The following KLRG1 variants were observed in gnomAD, a reference collection of about 807,000 sequenced individuals.
KLRG1 encodes the protein killer cell lectin-like receptor subfamily G member 1.
A neutral mutation model predicts 21.8 loss-of-function variants in KLRG1; 16 were observed. The ratio of observed to expected loss-of-function variants is 0.73; its 90% CI spans 0.50 to 1.11. The LOEUF (loss-of-function observed/expected upper bound fraction) is 1.11. KLRG1 is among the 50% of genes most tolerant of loss of function. The pLI, the probability that KLRG1 is intolerant of heterozygous loss-of-function variation, is 0.00. For missense variants in KLRG1, 173 were observed against 218.3 expected, an observed-to-expected ratio of 0.79 and a Z score of 1.31; for synonymous variants, 69 against 75.9, an observed-to-expected ratio of 0.91 and a Z score of 0.47.
the KLRG1 span, chr12:9,027,524 TA>T: frequency 8.8e-7 from 1 of 1,130,018 alleles, no homozygotes; most frequent in Non-Finnish European, 1.3e-6. Context: ...CTTTGTTTCC[TA>T]ATTAAAATCT....
At chr12:9,026,999 G>A in the KLRG1 span, among the ~76,000 whole-genome samples, 76 of 151,534 alleles carry the variant, frequency 5.0e-4, 2 homozygotes, top group African/African-American at 1.8e-3. Flanking sequence ...GGGACCACAG[G>A]TGTGCATCAC....
At chr12:9,166,599 A>G in the KLRG1 span, among the ~76,000 whole-genome samples, 7 of 152,342 alleles carry the variant, frequency 4.6e-5, no homozygotes, top group African/African-American at 1.7e-4. Flanking sequence ...TAAAAATGAA[A>G]TTACCAGTGG....
chr12:9,062,642 A>G, the KLRG1 span, among the ~76,000 whole-genome samples: 1 of 147,752 alleles, frequency 6.8e-6, no homozygotes, highest in Non-Finnish European at 1.5e-5. Context: ...ATACATATAC[A>G]TTTATATGTA....
At chr12:9,168,239 C>T in the KLRG1 span, among the ~76,000 whole-genome samples, 1 of 152,174 alleles carries the variant, frequency 6.6e-6, no homozygotes, top group Non-Finnish European at 1.5e-5. Context: ...ACACCCACTT[C>T]ACATATAGGA....
At chr12:9,153,288 C>T in the KLRG1 span, 1 of 1,614,178 alleles carries the variant, frequency 6.2e-7, no homozygotes, top group Non-Finnish European at 8.5e-7. Context: ...TTTCTCAGTT[C>T]TGGTGAAAGT....
At chr12:9,082,178 G>T in the KLRG1 span, among the ~76,000 whole-genome samples, 1 of 152,200 alleles carries the variant, frequency 6.6e-6, no homozygotes, top group Non-Finnish European at 1.5e-5. Flanking sequence ...CAAGGGTGGG[G>T]TAGCAATCCT....
intron 3 of KLRG1, among the ~76,000 whole-genome samples, chr12:9,003,949 C>A (rs565327952): frequency 6.6e-6 from 1 of 150,762 alleles, no homozygotes. Flanking sequence ...TGAGAACATG[C>A]GGTGTTTGGT....
At chr12:9,037,295 T>C in the KLRG1 span, 1 of 153,386 alleles carries the variant, frequency 6.5e-6, no homozygotes, top group African/African-American at 2.4e-5. Flanking sequence ...TAATATACTT[T>C]CATTGTGATC....
chr12:9,193,742 A>G, the KLRG1 span, among the ~76,000 whole-genome samples: 1 of 152,172 alleles, frequency 6.6e-6, no homozygotes, highest in African/African-American at 2.4e-5. Context: ...TGATCACTTT[A>G]CAAAATTTCT....
chr12:9,107,213 C>T, the KLRG1 span, among the ~76,000 whole-genome samples: 1 of 152,068 alleles, frequency 6.6e-6, no homozygotes, highest in Non-Finnish European at 1.5e-5. Context: ...ACAGAGAGAG[C>T]AGAACTGATG....
At chr12:9,102,569 C>A in the KLRG1 span, among the ~76,000 whole-genome samples, 1 of 152,080 alleles carries the variant, frequency 6.6e-6, no homozygotes, top group Non-Finnish European at 1.5e-5. Context: ...ACCTCAGAGG[C>A]CCTATTTGGG....
intron 3 of KLRG1, among the ~76,000 whole-genome samples, chr12:9,006,113 T>C (rs1464800410): frequency 6.6e-6 from 1 of 152,144 alleles, no homozygotes; most frequent in African/African-American, 2.4e-5. Flanking sequence ...CACAAAGAAA[T>C]AGTAAATGTT....
chr12:9,049,424 G>C, the KLRG1 span, among the ~76,000 whole-genome samples: 1 of 152,064 alleles, frequency 6.6e-6, no homozygotes, highest in Non-Finnish European at 1.5e-5. Flanking sequence ...TGGAGCTGGG[G>C]TTTAGAGTCA....
intron 3 of KLRG1, among the ~76,000 whole-genome samples, chr12:9,001,914 T>C (rs1283342842): frequency 1.3e-5 from 2 of 152,248 alleles, no homozygotes; most frequent in African/African-American, 4.8e-5. Context: ...TCAAATAGCA[T>C]TATTTCATTC....
At chr12:9,137,591 A>T in the KLRG1 span, among the ~76,000 whole-genome samples, 1 of 152,036 alleles carries the variant, frequency 6.6e-6, no homozygotes. Context: ...CAGGGGTTGC[A>T]TTGAATCTAT....
intron 2 of KLRG1, among the ~76,000 whole-genome samples, chr12:8,994,385 A>G (rs773283994): frequency 7.1e-4 from 108 of 152,306 alleles, no homozygotes; most frequent in African/African-American, 2.5e-3. Flanking sequence ...TCATCTTGAC[A>G]GAACTATGAA....
the KLRG1 span, chr12:9,201,297 T>C: frequency 6.6e-7 from 1 of 1,506,458 alleles, no homozygotes; most frequent in Non-Finnish European, 9.2e-7. Flanking sequence ...AGCACTAATT[T>C]CCTTATAAGA....
At chr12:9,153,111 G>A in the KLRG1 span, 10 of 1,612,972 alleles carry the variant, frequency 6.2e-6, no homozygotes, top group Non-Finnish European at 8.5e-6. Flanking sequence ...ACCCATATAA[G>A]CTTGGAGCCC....
At chr12:9,121,798 C>T in the KLRG1 span, among the ~76,000 whole-genome samples, 19,579 of 152,138 alleles carry the variant, frequency 0.13, 1,394 homozygotes, top group African/African-American at 0.18. The surrounding 1 kb of genome is among the most constrained non-coding windows in gnomAD (Gnocchi z 4.4). Context: ...ATGAATCTGT[C>T]CCCATTGTGA....
Sources: gnomAD v4.1 joint callset for allele counts (sites outside exome capture counted in the v4.1 genomes callset) on GRCh38, gnomAD v4.1.1 for gene constraint, Gnocchi (gnomAD v3.1) non-coding constraint, MANE v1.5 for transcripts, NCBI Gene and HGNC (gene_info 2026-07-23, HGNC 2026-07-21) for gene names.